The following SWI5 variants were observed in gnomAD, a reference collection of about 807,000 sequenced individuals.
SWI5 encodes the protein DNA repair protein SWI5 homolog.
In SWI5, 12 loss-of-function variants were observed where a neutral mutation model predicts 17.0. The ratio of observed to expected loss-of-function variants is 0.71; its 90% CI spans 0.45 to 1.14. SWI5 has a LOEUF of 1.14. Ranked by LOEUF, SWI5 falls within the 50% of genes most tolerant of loss-of-function variation. SWI5 has a pLI of 0.00. For missense variants in SWI5, 158 were observed against 162.2 expected, an observed-to-expected ratio of 0.97 and a Z score of 0.14; for synonymous variants, 61 against 64.0, an observed-to-expected ratio of 0.95 and a Z score of 0.22.
intron 4 of SWI5, chr9:128,286,239 C>T (rs1210598718): frequency 1.9e-6 from 1 of 531,400 alleles, no homozygotes; most frequent in Non-Finnish European, 3.4e-6. Context: ...ACAGAACCTG[C>T]TTTGGAGCCG....
chr9:128,283,148 C>T (rs1000371851), intron 2 of SWI5, among the ~76,000 whole-genome samples: 86 of 151,762 alleles, frequency 5.7e-4, no homozygotes, highest in Non-Finnish European at 9.9e-4. Context: ...AACCCTGTCT[C>T]TACTAAAAAT....
intron 2 of SWI5, among the ~76,000 whole-genome samples, chr9:128,281,028 C>CTT (rs11306272): frequency 0.016 from 713 of 43,732 alleles, 151 homozygotes; most frequent in African/African-American, 0.046. Flanking sequence ...TTCAACCATG[C>CTT]TTTTTTTTTT....
exon 5 of SWI5, chr9:128,288,951 C>T (rs377132467): frequency 5.2e-6 from 3 of 575,214 alleles, no homozygotes; most frequent in Admixed American, 3.1e-5. Context: ...TGTAGGGGTA[C>T]ATGTACTTTA....
intron 2 of SWI5, among the ~76,000 whole-genome samples, chr9:128,281,035 T>C (rs1438520001): frequency 4.7e-4 from 63 of 132,814 alleles, no homozygotes; most frequent in Non-Finnish European, 6.1e-4. Context: ...ATGCTTTTTT[T>C]TTTTTTTTTT....
At chr9:128,282,124 C>G (rs923848655) in intron 2 of SWI5, among the ~76,000 whole-genome samples, 1 of 152,178 alleles carries the variant, frequency 6.6e-6, no homozygotes, top group African/African-American at 2.4e-5. Flanking sequence ...TGCGGTGGCT[C>G]ACGCCTGTAA....
At chr9:128,281,258 G>A (rs369163287) in intron 2 of SWI5, among the ~76,000 whole-genome samples, 1 of 151,692 alleles carries the variant, frequency 6.6e-6, no homozygotes, top group African/African-American at 2.4e-5. Context: ...GGCTGGTCTC[G>A]AACTACTGAC....
chr9:128,283,269 C>A (rs1831574305), intron 2 of SWI5, among the ~76,000 whole-genome samples: 1 of 152,108 alleles, frequency 6.6e-6, no homozygotes. Context: ...TTGCAGTGAG[C>A]CGAGATTGTG....
intron 2 of SWI5, among the ~76,000 whole-genome samples, chr9:128,280,003 C>T (rs1456560910): frequency 6.6e-6 from 1 of 152,158 alleles, no homozygotes; most frequent in Non-Finnish European, 1.5e-5. Context: ...AGTAGTGCAA[C>T]AAGGAGTAAT....
Position 128,283,500 on chromosome 9 carries a change from AAACAAC to A in SWI5, c.112-994_112-989del, listed in dbSNP as rs71381749. ...CGACAGAGTGAGACTCCGTCTCCAAAAACAACAACAACAACAACAACCAGTGACATT... is the reference window on the plus strand; with the variant it reads ...CGACAGAGTGAGACTCCGTCTCCAAAAACAACAACAACAACCAGTGACATT... On this transcript the variant is annotated intron_variant, in intron 2 of 4. Coordinates refer to ENST00000418976, the Ensembl canonical transcript of SWI5. 2.7e-5 allele frequency among the ~76,000 whole-genome samples: 4 copies of A among 150,708 alleles called. No individual in the cohort carries two copies. In the South Asian group the frequency reaches 6.3e-4, roughly 24 times the overall value.
At chr9:128,281,088 C>T (rs927006540) in intron 2 of SWI5, among the ~76,000 whole-genome samples, 4 of 118,598 alleles carry the variant, frequency 3.4e-5, no homozygotes, top group African/African-American at 6.4e-5. Flanking sequence ...CCCAGGCTGG[C>T]GTGCAATGGT....
upstream of SWI5, chr9:128,276,032 A>T (rs1831343338): frequency 2.5e-6 from 4 of 1,589,802 alleles, no homozygotes; most frequent in South Asian, 4.4e-5. Flanking sequence ...CAGCTGTGCG[A>T]CGGAGCCAGA....
chr9:128,278,577 A>AC, intron 2 of SWI5: 1 of 437,002 alleles, frequency 2.3e-6, no homozygotes, highest in African/African-American at 2.1e-5. Context: ...AAAAAAAAAA[A>AC]GGAGGCTCTA....
chr9:128,278,577 AG>A, intron 2 of SWI5: 2 of 437,000 alleles, frequency 4.6e-6, no homozygotes, highest in Non-Finnish European at 4.6e-6. Context: ...AAAAAAAAAA[AG>A]GAGGCTCTAT....
intron 2 of SWI5, 42 bp downstream of exon 2, chr9:128,276,797 C>T (rs1005328080): frequency 9.6e-6 from 15 of 1,568,496 alleles, no homozygotes; most frequent in Non-Finnish European, 1.3e-5. Context: ...CATCCTCGAC[C>T]TTCCCTTGTG....
chr9:128,284,648 T>TCC lies in SWI5; in HGVS notation c.233+20_233+21dup, dbSNP rs1174124447. ...CGTATCTGAGTAAGTTTCATTGGGT[T>TCC]CCCCATCATGGTTAAGATAACTTTG... On this transcript the variant is annotated intron_variant, in intron 3 of 4. Coordinates refer to ENST00000418976, the Ensembl canonical transcript of SWI5. 22 of 1,611,674 alleles carry TCC rather than the reference T, an allele frequency of 1.4e-5. No homozygotes were observed. Among genetic ancestry groups the TCC allele is most frequent in the Non-Finnish European group, 1.9e-5 (22 of 1,178,730 alleles).
At chr9:128,275,949 GGGGA>G (rs753915115), upstream of SWI5, 3 of 1,595,376 alleles carry the variant, frequency 1.9e-6, no homozygotes, top group South Asian at 2.2e-5. Flanking sequence ...ATCGCGGGGC[GGGGA>G]GGGAGGCGGG....
At chr9:128,277,758 T>A (rs1831452588) in intron 2 of SWI5, among the ~76,000 whole-genome samples, 1 of 151,904 alleles carries the variant, frequency 6.6e-6, no homozygotes, top group Non-Finnish European at 1.5e-5. Flanking sequence ...GATGGCAGGG[T>A]CAGAGGCAGG....
upstream of SWI5, chr9:128,276,037 G>T (rs1831344101): frequency 6.3e-7 from 1 of 1,589,416 alleles, no homozygotes; most frequent in Non-Finnish European, 8.6e-7. Context: ...GTGCGACGGA[G>T]CCAGAGGAGG....
upstream of SWI5, chr9:128,275,456 G>A: frequency 2.3e-6 from 3 of 1,299,306 alleles, no homozygotes; most frequent in Non-Finnish European, 2.9e-6. Flanking sequence ...GGAGACCCGA[G>A]ACCAAAGAAC....
Sources: gnomAD v4.1 joint callset for allele counts (sites outside exome capture counted in the v4.1 genomes callset) on GRCh38, gnomAD v4.1.1 for gene constraint, MANE v1.5 for transcripts, NCBI Gene and HGNC (gene_info 2026-07-23, HGNC 2026-07-21) for gene names.